Variants in ZNF713 observed in about 807,000 individuals in gnomAD.
ZNF713 encodes zinc finger protein 713.
A neutral mutation model predicts 28.7 loss-of-function variants in ZNF713; 21 were observed. The ratio of observed to expected loss-of-function variants is 0.73; its 90% CI spans 0.52 to 1.05. The LOEUF (loss-of-function observed/expected upper bound fraction) is 1.05, where lower values mean the gene tolerates loss of function less well. ZNF713 is among the 50% of genes least tolerant of loss of function. The probability of loss-of-function intolerance (pLI) is 0.00; values close to 1 mark genes in which losing one functional copy is unlikely to be tolerated. For synonymous variants in ZNF713, 167 were observed against 178.0 expected (o/e 0.94, Z 0.49); for missense variants, 458 against 532.4 (o/e 0.86, Z 1.37).
intron 1 of ZNF713, among the ~76,000 whole-genome samples, chr7:55,889,482 G>C (rs1033378305): frequency 3.3e-5 from 5 of 152,222 alleles, no homozygotes; most frequent in Non-Finnish European, 7.3e-5. Flanking sequence ...TTAAAAGGCA[G>C]GTTGGAACAC....
At position 55,887,634 on chromosome 7, in the gene ZNF713, G is replaced by T. The variant is rs768612045; in HGVS notation, c.-629G>T. 22,282 of 178,158 alleles carry T rather than the reference G, an allele frequency of 0.13. 2,016 individuals carry two copies. The highest frequency in any genetic ancestry group is 0.14 in the Non-Finnish European group (12,879 of 91,914). 11.0% of individuals were successfully genotyped at this position (178,158 alleles called of 1,614,324 possible). A position where few individuals can be genotyped will look rare whatever the true frequency, so the allele number is the denominator to read the frequency against. ...GGCGGCGGCGGCGGCGGCGGCGGCG[G>T]CGGCGTCAGGGGGCGGAGCCTGCCG... is the stretch of plus-strand genomic sequence containing the variant. On this transcript the variant is annotated 5_prime_UTR_variant, in exon 1 of 7. Coordinates refer to ENST00000429591, the MANE Select transcript of ZNF713 (RefSeq NM_182633.3).
chr7:55,926,362 G>A (rs1327922433), intron 6 of ZNF713, among the ~76,000 whole-genome samples: 1 of 152,172 alleles, frequency 6.6e-6, no homozygotes, highest in Non-Finnish European at 1.5e-5. Context: ...ATATGTGGAT[G>A]CCCAAGGCTC....
At chr7:55,924,409 T>A (rs1786055123) in intron 6 of ZNF713, 1 of 152,374 alleles carries the variant, frequency 6.6e-6, no homozygotes, top group Non-Finnish European at 1.5e-5. Context: ...TCTCTCTGTA[T>A]CTCCCTCTGT....
intron 1 of ZNF713, among the ~76,000 whole-genome samples, chr7:55,896,975 A>G (rs1011639080): frequency 1.3e-5 from 2 of 152,224 alleles, no homozygotes; most frequent in Non-Finnish European, 2.9e-5. Flanking sequence ...TAAAATAAAT[A>G]AGAAAAGTAT....
Position 55,913,195 on chromosome 7 carries a change from C to CTTT in ZNF713, c.87+494_87+496dup, listed in dbSNP as rs66851959. ...AACCTGTTTAAATCTGTTTTGATTC[C>CTTT]TTTTTTTTTTTTTTTTTTTTTTTTG... On this transcript the variant is annotated intron_variant, in intron 4 of 6. Transcript: ENST00000429591. Among the ~76,000 whole-genome samples, 393 of 88,096 alleles carry CTTT rather than the reference C, an allele frequency of 4.5e-3. 1 individual carries two copies. The highest frequency in any genetic ancestry group is 8.1e-3 in the African/African-American group (168 of 20,810). 57.8% of individuals were successfully genotyped at this position (88,096 alleles called of 152,430 possible).
chr7:55,912,472 C>T (rs564906076), intron 3 of ZNF713, among the ~76,000 whole-genome samples, 163 bp from the exon 4 acceptor site: 11 of 152,148 alleles, frequency 7.2e-5, no homozygotes, highest in Non-Finnish European at 1.6e-4. Flanking sequence ...ATTGAATTCC[C>T]GAACTCCTGA....
chr7:55,902,507 G>A (rs368203879), intron 1 of ZNF713, among the ~76,000 whole-genome samples: 97 of 152,246 alleles, frequency 6.4e-4, no homozygotes, highest in African/African-American at 2.2e-3. Context: ...TTGTAAAGAC[G>A]AATTTTCATC....
At position 55,939,934 on chromosome 7, in the gene ZNF713, T is replaced by C; in HGVS notation, c.1260T>C (p.His420=). Residue 420 remains histidine (H), a synonymous_variant, in exon 7 of 7, where the codon CAT becomes CAC. Transcript: ENST00000429591. ...SAHLNQHRKI[H]TREKLCEYKC... ...ACCTTAATCAACACAGGAAAATCCA[T>C]ACTCGGGAGAAATTATGTGAATATA... 6.2e-7 allele frequency: 1 copy of C among 1,613,398 alleles called. No individual in the cohort carries two copies. Among genetic ancestry groups the C allele is most frequent in the Non-Finnish European group, 8.5e-7 (1 of 1,179,610 alleles).
intron 6 of ZNF713, among the ~76,000 whole-genome samples, chr7:55,936,405 T>G (rs1786346750): frequency 6.6e-6 from 1 of 152,004 alleles, no homozygotes; most frequent in Admixed American, 6.6e-5. Context: ...GGTGGAATGG[T>G]CAGAATTCTC....
intron 1 of ZNF713, among the ~76,000 whole-genome samples, chr7:55,900,135 T>TA (rs1270866897): frequency 2.0e-5 from 3 of 152,174 alleles, no homozygotes; most frequent in Non-Finnish European, 4.4e-5. Context: ...GTAGTCAAGA[T>TA]ATGGAAGTGA....
chr7:55,891,630 C>T (rs1785381482), intron 1 of ZNF713, among the ~76,000 whole-genome samples: 1 of 152,028 alleles, frequency 6.6e-6, no homozygotes, highest in African/African-American at 2.4e-5. Flanking sequence ...GCGTTTGAGG[C>T]TGCAGTGTGC....
intron 2 of ZNF713, among the ~76,000 whole-genome samples, chr7:55,907,322 C>T (rs1030459656): frequency 2.6e-5 from 4 of 152,118 alleles, no homozygotes; most frequent in Admixed American, 6.6e-5. Flanking sequence ...TCTAGGTGCA[C>T]TGCCTTCCAG....
intron 1 of ZNF713, among the ~76,000 whole-genome samples, chr7:55,905,419 A>AGTGGTT (rs1785661457): frequency 6.6e-6 from 1 of 152,134 alleles, no homozygotes; most frequent in Non-Finnish European, 1.5e-5. Flanking sequence ...AGACAGAACC[A>AGTGGTT]CTACACAGGC....
Position 55,939,006 on chromosome 7 carries a change from A to G in ZNF713, c.332A>G (p.Lys111Arg), listed in dbSNP as rs1239244941. Residue 111 changes from lysine (K) to arginine (R), a missense_variant, in exon 7 of 7, where the codon AAA (lysine) becomes AGA (arginine). By Grantham distance (26) the Lys-to-Arg change is conservative (BLOSUM62 2). Transcript: ENST00000429591. ...GATGGAGAAAACAGACCCGAAATCA[A>G]AAAGTCAACCACAAGCCAGAATATT... ...HPDGENRPEI[K>R]KSTTSQNISD... 2 of 1,584,256 alleles carry G rather than the reference A, an allele frequency of 1.3e-6. No individual in the cohort carries two copies. Among genetic ancestry groups the G allele is most frequent in the Admixed American group, 1.9e-5 (1 of 53,486 alleles).
At chr7:55,912,214 A>G (rs574509036) in intron 3 of ZNF713, 146 bp downstream of exon 3, 81 of 158,480 alleles carry the variant, frequency 5.1e-4, no homozygotes, top group Non-Finnish European at 9.5e-4. Context: ...ATGGACCCTC[A>G]CCCATGTGCT....
intron 1 of ZNF713, among the ~76,000 whole-genome samples, chr7:55,890,974 C>G (rs1035777858): frequency 7.0e-6 from 1 of 141,876 alleles, no homozygotes; most frequent in African/African-American, 2.7e-5. Flanking sequence ...CTAGCCTGGA[C>G]GACAGAGTGA....
At chr7:55,891,950 G>C (rs1368802912) in intron 1 of ZNF713, among the ~76,000 whole-genome samples, 1 of 152,136 alleles carries the variant, frequency 6.6e-6, no homozygotes, top group Non-Finnish European at 1.5e-5. Flanking sequence ...TGTCATCTAT[G>C]AATCTAAAGT....
intron 1 of ZNF713, among the ~76,000 whole-genome samples, chr7:55,895,527 G>A (rs1054201975): frequency 7.9e-6 from 1 of 126,350 alleles, no homozygotes; most frequent in Non-Finnish European, 1.6e-5. Context: ...GGAGTGCAAT[G>A]GCATGATCTC....
chr7:55,940,076 T>G lies in ZNF713; in HGVS notation c.*70T>G. ...TTTTGGTCAGACCTTTTTATCCCAT[T>G]CAATATCAAATTATTCATAGTGGAG... On this transcript the variant is annotated 3_prime_UTR_variant, in exon 7 of 7. Transcript: ENST00000429591. 6.7e-7 allele frequency: 1 copy of G among 1,494,048 alleles called. No homozygotes were observed. The highest frequency in any genetic ancestry group is 1.4e-5 in the African/African-American group (1 of 70,962). The allele number at this position is 1,494,048 out of a possible 1,614,324, so 92.5% of individuals were successfully genotyped here.
Sources: allele counts gnomAD v4.1 joint callset (sites outside exome capture counted in the v4.1 genomes callset), GRCh38; gene constraint gnomAD v4.1.1; transcripts MANE v1.5; gene names NCBI Gene and HGNC (gene_info 2026-07-23, HGNC 2026-07-21).